The following NCAPD3 variants were observed in gnomAD, a reference collection of about 807,000 sequenced individuals.
The protein encoded by NCAPD3 is non-SMC condensin II complex subunit D3.
NCAPD3 carries 105 observed loss-of-function variants against 182.9 expected under a neutral mutation model. The ratio of observed to expected loss-of-function variants is 0.57; its 90% CI spans 0.49 to 0.68. NCAPD3 has a LOEUF of 0.68. Ranked by LOEUF, NCAPD3 falls within the 30% of genes least tolerant of loss-of-function variation. The pLI is 0.00. For missense variants in NCAPD3, 1,944 were observed against 1,837.0 expected (o/e 1.06, Z -1.07); for synonymous variants, 815 against 679.9 (o/e 1.20, Z -3.09).
At chr11:134,174,412 C>CAAAAA (rs1057199027) in intron 24 of NCAPD3, among the ~76,000 whole-genome samples, 1 of 98,076 alleles carries the variant, frequency 1.0e-5, no homozygotes, top group Non-Finnish European at 2.2e-5. Context: ...AAAAAGCAAA[C>CAAAAA]AAAAAAAACA....
chr11:134,223,558 GAATA>G, intron 1 of NCAPD3: 1 of 691,202 alleles, frequency 1.4e-6, no homozygotes, highest in Non-Finnish European at 2.7e-6. Flanking sequence ...TAATAGGTAA[GAATA>G]GATAGGTGCA....
At chr11:134,172,295 C>A (rs1019967865) in intron 24 of NCAPD3, among the ~76,000 whole-genome samples, 6 of 152,162 alleles carry the variant, frequency 3.9e-5, no homozygotes, top group African/African-American at 1.4e-4. Flanking sequence ...TTCATTGTTT[C>A]CAGTGACCAT....
chr11:134,223,891 C>T lies in NCAPD3; in HGVS notation c.36G>A (p.Gln12=). The T allele has an allele frequency of 3.7e-6, 6 of 1,612,698 alleles. No individual in the cohort carries two copies. Among genetic ancestry groups the T allele is most frequent in the Non-Finnish European group, 5.1e-6 (6 of 1,179,826 alleles). Residue 12 remains glutamine, a synonymous_variant, in exon 1 of 35, where the codon CAG becomes CAA. Coordinates refer to ENST00000534548, the MANE Select transcript of NCAPD3 (RefSeq NM_015261.3). ...VALRGLGSGL[Q]PWCPLDLRLE... ...GTCTAAGATCCAGCGGACACCAGGG[C>T]TGCAGGCCGCTACCAAGGCCCCGCA... is the stretch of plus-strand genomic sequence containing the variant.
At chr11:134,167,439 C>CACTT (rs2120673109) in intron 27 of NCAPD3, among the ~76,000 whole-genome samples, 3 of 104,428 alleles carry the variant, frequency 2.9e-5, no homozygotes, top group African/African-American at 3.9e-5. Context: ...GGCGCACACT[C>CACTT]GTGAGAGGAG....
intron 13 of NCAPD3, among the ~76,000 whole-genome samples, chr11:134,201,180 C>T (rs1477965706): frequency 6.6e-6 from 1 of 152,070 alleles, no homozygotes; most frequent in Admixed American, 6.6e-5. Context: ...TGTGCCACCA[C>T]GCCCAGCTAA....
chr11:134,217,204 A>C, intron 2 of NCAPD3, 106 bp from the exon 3 acceptor site: 1 of 1,060,676 alleles, frequency 9.4e-7, no homozygotes. Flanking sequence ...AGAGGAATAG[A>C]GTAGCCTGGC....
intron 18 of NCAPD3, 54 bp downstream of exon 18, chr11:134,184,849 A>ACACC (rs1419734828): frequency 8.7e-6 from 12 of 1,377,014 alleles, no homozygotes; most frequent in East Asian, 2.3e-5. Flanking sequence ...ACACACACAC[A>ACACC]CCTGAAATGA....
rs192157368 is a variant in NCAPD3 at position 134,211,009 on chromosome 11, G to A, written c.383-555C>T. 9.7e-4 allele frequency among the ~76,000 whole-genome samples: 147 copies of A among 152,298 alleles called. 1 individual carries two copies. The highest frequency in any genetic ancestry group is 3.7e-4 in the Non-Finnish European group (25 of 68,028). On this transcript the variant is annotated intron_variant, in intron 3 of 34. Transcript: ENST00000534548. ...CTGAACATAAGCTACACATGCACAG[G>A]GTAAAATTCTAAGACAGAGAGCAAA...
In NCAPD3 at chr11:134,168,014, C is replaced by T. The variant is rs1283536167; in HGVS notation, c.3555G>A (p.Gln1185=). The T allele has an allele frequency of 3.1e-6, 5 of 1,613,892 alleles. No individual in the cohort carries two copies. In the African/African-American group the frequency reaches 5.3e-5, roughly 17 times the overall value. Reference sequence around the variant, plus strand: ...CACTCACTTGTGAGATGAGCTTCTTCTGAGCTTCCTGCATGACTACATTTG... The same window carrying T: ...CACTCACTTGTGAGATGAGCTTCTTTTGAGCTTCCTGCATGACTACATTTG... The part of the protein sequence containing the change: ...ALANVVMQEA[Q]KKLISQVQKR... The change falls in exon 27 of 35, where the codon CAG becomes CAA. Residue 1185 remains glutamine, a synonymous_variant. Transcript: ENST00000534548.
intron 13 of NCAPD3, among the ~76,000 whole-genome samples, chr11:134,201,026 A>AT (rs566027829): frequency 0.015 from 2,040 of 140,164 alleles, 22 homozygotes; most frequent in African/African-American, 0.034. Flanking sequence ...AGAATAGGCA[A>AT]TTTTTTTTTT....
intron 19 of NCAPD3, 127 bp from the exon 20 acceptor site, chr11:134,181,311 C>T (rs2135981034): frequency 4.9e-6 from 3 of 616,656 alleles, no homozygotes; most frequent in Non-Finnish European, 8.4e-6. Context: ...TCCTAGCTTT[C>T]CTCTTTCCCA....
intron 24 of NCAPD3, 145 bp from the exon 25 acceptor site, chr11:134,169,199 T>A (rs979263365): frequency 2.7e-5 from 20 of 736,080 alleles, no homozygotes; most frequent in Admixed American, 3.8e-5. Flanking sequence ...TTCCCTCGGA[T>A]CCAAAGAAGA....
At chr11:134,179,500 C>T (rs947800351) in intron 20 of NCAPD3, among the ~76,000 whole-genome samples, 1 of 152,238 alleles carries the variant, frequency 6.6e-6, no homozygotes, top group Non-Finnish European at 1.5e-5. Context: ...ACTTACTGCA[C>T]TATTCCAGTA....
At chr11:134,175,914 A>C (rs1441966817) in intron 24 of NCAPD3, among the ~76,000 whole-genome samples, 3 of 152,132 alleles carry the variant, frequency 2.0e-5, no homozygotes, top group African/African-American at 7.2e-5. Flanking sequence ...AAATTTCTGC[A>C]ATTAAAGTCT....
At chr11:134,221,767 T>C (rs559511721) in intron 1 of NCAPD3, among the ~76,000 whole-genome samples, 1 of 152,192 alleles carries the variant, frequency 6.6e-6, no homozygotes, top group Admixed American at 6.5e-5. Flanking sequence ...CAAATGAAAA[T>C]GAAAGGCCTT....
chr11:134,193,871 C>T (rs1944572297), intron 15 of NCAPD3, 145 bp downstream of exon 15: 1 of 684,050 alleles, frequency 1.5e-6, no homozygotes, highest in South Asian at 3.1e-5. Context: ...TCAAAAATAC[C>T]TCCTCCCTTA....
rs1467779741 is a variant in NCAPD3 at position 134,151,834 on chromosome 11, C to G, written c.*1110G>C. ...GCATTTCAGTGGTTAGGCATGCACA[C>G]TAAAAATGCTATCAATCACCCATCC... On this transcript the variant is annotated 3_prime_UTR_variant, in exon 35 of 35. Coordinates refer to ENST00000534548, the MANE Select transcript of NCAPD3 (RefSeq NM_015261.3). 1.4e-5 allele frequency: 2 copies of G among 142,102 alleles called. No individual in the cohort carries two copies. 8.8% of individuals were successfully genotyped at this position (142,102 alleles called of 1,614,324 possible).
Position 134,152,821 on chromosome 11 carries a change from C to T in NCAPD3, c.*123G>A, listed in dbSNP as rs1279175309. 6.7e-6 allele frequency: 5 copies of T among 743,690 alleles called. No homozygotes were observed. Among genetic ancestry groups the T allele is most frequent in the East Asian group, 2.5e-5 (1 of 39,858 alleles). 46.1% of individuals were successfully genotyped at this position (743,690 alleles called of 1,614,324 possible). ...TGCCAGGCCCCTGAGGAGGAGCTCT[C>T]GTGTTCCACAGCAAAGCGCTGCCCA... On this transcript the variant is annotated 3_prime_UTR_variant, in exon 35 of 35. Coordinates refer to ENST00000534548, the MANE Select transcript of NCAPD3 (RefSeq NM_015261.3).
intron 7 of NCAPD3, among the ~76,000 whole-genome samples, chr11:134,207,563 T>C (rs1937650468): frequency 6.6e-6 from 1 of 151,916 alleles, no homozygotes; most frequent in Non-Finnish European, 1.5e-5. Context: ...CTGGCCAACA[T>C]GGTGAAACCC....
Sources: gnomAD v4.1 joint callset for allele counts (sites outside exome capture counted in the v4.1 genomes callset) on GRCh38, gnomAD v4.1.1 for gene constraint, MANE v1.5 for transcripts, NCBI Gene and HGNC (gene_info 2026-07-23, HGNC 2026-07-21) for gene names.